OTUD4: variants seen among roughly 807,000 people sequenced by gnomAD.
OTUD4 encodes the protein OTU domain-containing protein 4.
A neutral mutation model predicts 130.4 loss-of-function variants in OTUD4; 24 were observed. The ratio of observed to expected loss-of-function variants is 0.18; its 90% CI spans 0.13 to 0.26. OTUD4 has a LOEUF of 0.26. Among genes scored for constraint, OTUD4 ranks in the 10% least tolerant of loss-of-function variants. The probability of loss-of-function intolerance (pLI) is 1.00; values close to 1 mark genes in which losing one functional copy is unlikely to be tolerated. For missense variants in OTUD4, 1,031 were observed against 1,329.4 expected, an observed-to-expected ratio of 0.78 and a Z score of 3.49; for synonymous variants, 420 against 472.5, an observed-to-expected ratio of 0.89 and a Z score of 1.44.
At chr4:145,145,663 AC>A (rs1452589037) in intron 14 of OTUD4, among the ~76,000 whole-genome samples, 1 of 152,152 alleles carries the variant, frequency 6.6e-6, no homozygotes, top group Non-Finnish European at 1.5e-5. Flanking sequence ...TGAATTAGGT[AC>A]CCCTCCTCTG....
chr4:145,147,589 T>C (rs1579252317), intron 13 of OTUD4, among the ~76,000 whole-genome samples: 1 of 152,342 alleles, frequency 6.6e-6, no homozygotes, highest in African/African-American at 2.4e-5. Flanking sequence ...CCTATTTTCA[T>C]CTAGCTTGAA....
rs1752635926 is a variant in OTUD4 at position 145,180,361 on chromosome 4, C to T, written c.-388G>A. Among the ~76,000 whole-genome samples the T allele has an allele frequency of 6.6e-6, 1 of 152,190 alleles. No individual in the cohort carries two copies. The highest frequency in any genetic ancestry group is 2.4e-5 in the African/African-American group (1 of 41,462). On this transcript the variant is annotated 5_prime_UTR_variant, in exon 1 of 21. Coordinates refer to ENST00000447906, the MANE Select transcript of OTUD4 (RefSeq NM_001366057.1). ...TACCGGTGTGAAGCGAGAAAACCCC[C>T]GCCCCTGGCGCGCACGCTGGGCCGG...
In OTUD4 at chr4:145,165,244, A is replaced by G. The variant is rs1244975313; in HGVS notation, c.295-47T>C. The G allele has an allele frequency of 1.1e-5, 14 of 1,253,300 alleles. No homozygotes were observed. In the Admixed American group the frequency reaches 2.2e-4, roughly 20 times the overall value. 77.6% of individuals were successfully genotyped at this position (1,253,300 alleles called of 1,614,324 possible). A position where few individuals can be genotyped will look rare whatever the true frequency, so the allele number is the denominator to read the frequency against. ...GGCATGTAAGTGTCTCACACTTTTTAGATTCCACTTTATATTTCTATACAT... is the reference window on the plus strand; with the variant it reads ...GGCATGTAAGTGTCTCACACTTTTTGGATTCCACTTTATATTTCTATACAT... On this transcript the variant is annotated intron_variant, in intron 3 of 20. Coordinates refer to ENST00000447906, the MANE Select transcript of OTUD4 (RefSeq NM_001366057.1).
At chr4:145,177,265 G>C (rs1344940702) in intron 1 of OTUD4, among the ~76,000 whole-genome samples, 1 of 152,174 alleles carries the variant, frequency 6.6e-6, no homozygotes, top group Admixed American at 6.5e-5. Context: ...AGTTAGTAAA[G>C]CTTATTTTCA....
intron 3 of OTUD4, among the ~76,000 whole-genome samples, chr4:145,168,983 C>T (rs116074498): frequency 3.9e-4 from 60 of 152,320 alleles, no homozygotes; most frequent in Non-Finnish European, 8.1e-4. Context: ...GGAACTACTG[C>T]TAAACGCATG....
At chr4:145,167,109 T>G (rs529630832) in intron 3 of OTUD4, among the ~76,000 whole-genome samples, 1 of 152,182 alleles carries the variant, frequency 6.6e-6, no homozygotes, top group Non-Finnish European at 1.5e-5. Context: ...TTTTCACCCT[T>G]TATTCTATAA....
intron 13 of OTUD4, among the ~76,000 whole-genome samples, chr4:145,150,155 G>A (rs1272766903): frequency 1.3e-5 from 2 of 152,126 alleles, no homozygotes; most frequent in Non-Finnish European, 1.5e-5. Flanking sequence ...GTACAAATGG[G>A]AGTATCCTCA....
chr4:145,139,971 A>G lies in OTUD4; in HGVS notation c.2104T>C (p.Phe702Leu). Residue 702 changes from phenylalanine to leucine, a missense_variant, in exon 20 of 21, where the codon TTC becomes CTC. Phe to Leu is a conservative substitution (Grantham distance 22, BLOSUM62 0). Transcript: ENST00000447906. ...LPKDKNILRFFFNLGVKAYSC... is the reference protein window; with the variant it reads ...LPKDKNILRFLFNLGVKAYSC... ...AATACCTTCACACCAAGATTGAAGAAGAATCGAAGAATATTCTTATCTAAA... is the reference window on the plus strand; with the variant it reads ...AATACCTTCACACCAAGATTGAAGAGGAATCGAAGAATATTCTTATCTAAA... 1.2e-6 allele frequency: 1 copy of G among 818,070 alleles called. No individual in the cohort carries two copies. Among genetic ancestry groups the G allele is most frequent in the Non-Finnish European group, 1.9e-6 (1 of 520,240 alleles). 50.7% of individuals were successfully genotyped at this position (818,070 alleles called of 1,614,324 possible).
intron 14 of OTUD4, among the ~76,000 whole-genome samples, chr4:145,145,481 G>C (rs1245399253): frequency 6.6e-6 from 1 of 151,928 alleles, no homozygotes; most frequent in East Asian, 1.9e-4. Context: ...TGAGTGTGTG[G>C]GGCTTTAATG....
intron 17 of OTUD4, among the ~76,000 whole-genome samples, 198 bp downstream of exon 17, chr4:145,143,167 A>G (rs1235746734): frequency 6.6e-6 from 1 of 152,240 alleles, no homozygotes; most frequent in African/African-American, 2.4e-5. Context: ...GGTTATTTCT[A>G]TAACATTCCA....
At position 145,171,687 on chromosome 4, in the gene OTUD4, G is replaced by T; in HGVS notation, c.277C>A (p.Arg93Ser). ...TGACATACCTGTGGATTTTCCAAAC[G>T]CTTTAAATATTCTTCAAATGATCCT... ...IEGSFEEYLK[R>S]LENPQEWVGQ... Residue 93 changes from arginine to serine, a missense_variant, in exon 3 of 21, where the codon CGT becomes AGT. By Grantham distance (110) the Arg-to-Ser change is moderately radical (BLOSUM62 -1). Coordinates refer to ENST00000447906, the MANE Select transcript of OTUD4 (RefSeq NM_001366057.1). 1 of 1,356,758 alleles carries T rather than the reference G, an allele frequency of 7.4e-7. No homozygotes were observed. The highest frequency in any genetic ancestry group is 1.2e-5 in the South Asian group (1 of 84,656). The allele number at this position is 1,356,758 out of a possible 1,614,324, so 84.0% of individuals were successfully genotyped here. A position where few individuals can be genotyped will look rare whatever the true frequency, so the allele number is the denominator to read the frequency against.
rs970441353 is a variant in OTUD4 at position 145,136,974 on chromosome 4, T to C, written c.*456A>G. 10 of 153,250 alleles carry C rather than the reference T, an allele frequency of 6.5e-5. No homozygotes were observed. Among genetic ancestry groups the C allele is most frequent in the African/African-American group, 2.4e-4 (10 of 41,468 alleles). 9.5% of individuals were successfully genotyped at this position (153,250 alleles called of 1,614,324 possible). Reference sequence around the variant, plus strand: ...GACTAAGGCATTGCATAATAAAATATACATTTCTATTTGGTGCAACGTTAT... The same window carrying C: ...GACTAAGGCATTGCATAATAAAATACACATTTCTATTTGGTGCAACGTTAT... On this transcript the variant is annotated 3_prime_UTR_variant, in exon 21 of 21. Transcript: ENST00000447906.
chr4:145,142,261 G>A lies in OTUD4; in HGVS notation c.1757C>T (p.Ala586Val), dbSNP rs146612626. 6.4e-5 allele frequency: 103 copies of A among 1,613,428 alleles called. No individual in the cohort carries two copies. Among genetic ancestry groups the A allele is most frequent in the East Asian group, 3.1e-4 (14 of 44,874 alleles). The change falls in exon 18 of 21, where the codon GCG becomes GTG. Residue 586 changes from alanine to valine, a missense_variant. Ala to Val is a moderately conservative substitution (Grantham distance 64). Around this residue, in one of 3 missense-constraint regions of OTUD4, gnomAD observed 900 missense variants for 1,095.9 expected, o/e 0.82. Transcript: ENST00000447906. ...LVSPEVHLTPAVPSLPATVPA... is the reference protein window; with the variant it reads ...LVSPEVHLTPVVPSLPATVPA... ...CACAGTGGCTGGTAAAGAAGGCACC[G>A]CAGGAGTTAGATGTACCTCTGGAGA...
At chr4:145,139,160 G>GC (rs1325144891) in intron 20 of OTUD4, among the ~76,000 whole-genome samples, 2 of 152,158 alleles carry the variant, frequency 1.3e-5, no homozygotes, top group African/African-American at 4.8e-5. Flanking sequence ...TCCTTCCTCT[G>GC]CAAGAGTTCA....
intron 13 of OTUD4, among the ~76,000 whole-genome samples, chr4:145,147,569 GCTA>G (rs759272191): frequency 2.0e-5 from 3 of 152,178 alleles, no homozygotes; most frequent in Non-Finnish European, 2.9e-5. Flanking sequence ...ACAGAGAGAA[GCTA>G]CTACTACCTA....
At chr4:145,163,860 C>T (rs187386379) in intron 5 of OTUD4, among the ~76,000 whole-genome samples, 50 of 152,094 alleles carry the variant, frequency 3.3e-4, no homozygotes, top group African/African-American at 1.1e-3. Context: ...GGATGTGCCA[C>T]CACGCCCGGC....
intron 1 of OTUD4, among the ~76,000 whole-genome samples, chr4:145,175,551 T>C (rs1457047850): frequency 6.7e-6 from 1 of 148,852 alleles, no homozygotes; most frequent in Non-Finnish European, 1.5e-5. Context: ...AACTATTTCT[T>C]TTTTTTTTTT....
rs36226297 is a variant in OTUD4 at position 145,151,076 on chromosome 4, T to TA, written c.969-172dup. On this transcript the variant is annotated intron_variant, in intron 11 of 20. Transcript: ENST00000447906. ...TTTACCAATCCAGATGTAATTCTAA[T>TA]AAAAAAAAATGATATAAATCAAAAG... is the stretch of plus-strand genomic sequence containing the variant. Among the ~76,000 whole-genome samples the TA allele has an allele frequency of 2.0e-3, 308 of 151,146 alleles. 1 individual carries two copies. Among genetic ancestry groups the TA allele is most frequent in the Non-Finnish European group, 2.8e-3 (193 of 67,734 alleles).
At chr4:145,150,772 C>A (rs1380553584) in intron 12 of OTUD4, 30 bp downstream of exon 12, 2 of 1,604,950 alleles carry the variant, frequency 1.2e-6, no homozygotes, top group Middle Eastern at 1.7e-4. Context: ...ATCCCAATCC[C>A]AAAGGAATGA....
Sources: allele counts gnomAD v4.1 joint callset (sites outside exome capture counted in the v4.1 genomes callset), GRCh38; gene constraint gnomAD v4.1.1; regional missense constraint gnomAD v4.1.1; transcripts MANE v1.5; gene names NCBI Gene and HGNC (gene_info 2026-07-23, HGNC 2026-07-21).